KDM1B: variants seen among roughly 807,000 people sequenced by gnomAD.
KDM1B encodes the protein lysine-specific histone demethylase 2.
KDM1B carries 63 observed loss-of-function variants against 107.4 expected under a neutral mutation model. That is an observed-to-expected ratio of 0.59 (90% CI 0.48 to 0.72). The LOEUF (loss-of-function observed/expected upper bound fraction) is 0.72, where lower values mean the gene tolerates loss of function less well. Among genes scored for constraint, KDM1B ranks in the 30% least tolerant of loss-of-function variants. The pLI is 0.00. For missense variants in KDM1B, 749 were observed against 1,020.8 expected, an observed-to-expected ratio of 0.73 and a Z score of 3.63; for synonymous variants, 363 against 363.9, an observed-to-expected ratio of 1.00 and a Z score of 0.03.
chr6:18,218,927 G>C (rs961256680), intron 21 of KDM1B, among the ~76,000 whole-genome samples: 6 of 151,890 alleles, frequency 4.0e-5, no homozygotes, highest in Non-Finnish European at 8.8e-5. Context: ...TTTTGAGACG[G>C]AGTCTCTCTT....
chr6:18,198,510 C>G (rs895029883), intron 12 of KDM1B, among the ~76,000 whole-genome samples: 1 of 151,526 alleles, frequency 6.6e-6, no homozygotes, highest in South Asian at 2.1e-4. Context: ...ATTACAGGTG[C>G]GAGCCACTGT....
chr6:18,191,893 C>T lies in KDM1B; in HGVS notation c.969+512C>T, dbSNP rs1787304119. 6.6e-6 allele frequency among the ~76,000 whole-genome samples: 1 copy of T among 151,606 alleles called. No homozygotes were observed. The highest frequency in any genetic ancestry group is 6.7e-5 in the Admixed American group (1 of 15,036). On this transcript the variant is annotated intron_variant, in intron 10 of 21. Coordinates refer to ENST00000650836, the MANE Select transcript of KDM1B (RefSeq NM_001364614.2). This position sits in a 1 kb window ranked among gnomAD's most constrained non-coding sequence, Gnocchi z 5.1. ...TGTTGGGTCTAAATACATGTTAGGG[C>T]TGTCACACTGTACCCACCTTGAAAA...
rs1219008930 is a variant in KDM1B at position 18,197,840 on chromosome 6, T to G, written c.1221+179T>G. ...ATTGATTTCATAAGAAAAAGGTAAA[T>G]AGAAATTCTCACAGCTTTGGAGATA... On this transcript the variant is annotated intron_variant, in intron 12 of 21. Transcript: ENST00000650836. This position sits in a 1 kb window ranked among gnomAD's most constrained non-coding sequence, Gnocchi z 4.5. 6.6e-6 allele frequency among the ~76,000 whole-genome samples: 1 copy of G among 151,892 alleles called. No homozygotes were observed. The highest frequency in any genetic ancestry group is 1.5e-5 in the Non-Finnish European group (1 of 67,996).
intron 12 of KDM1B, among the ~76,000 whole-genome samples, chr6:18,199,112 C>G (rs747091623): frequency 6.6e-6 from 1 of 150,838 alleles, no homozygotes; most frequent in African/African-American, 2.4e-5. Context: ...GTGGGAGGAT[C>G]TCTTGAGTGA....
chr6:18,177,728 A>G (rs1426309901), intron 7 of KDM1B, among the ~76,000 whole-genome samples: 2 of 151,786 alleles, frequency 1.3e-5, no homozygotes, highest in Non-Finnish European at 2.9e-5. Flanking sequence ...TTTTGTAAAT[A>G]TGGTTTTAAT....
chr6:18,183,287 GAC>G (rs1447630761), intron 7 of KDM1B, among the ~76,000 whole-genome samples: 1 of 59,600 alleles, frequency 1.7e-5, no homozygotes, highest in Non-Finnish European at 3.1e-5. Flanking sequence ...TTTTTTTTGA[GAC>G]AGAGTTTTGC....
At position 18,207,464 on chromosome 6, in the gene KDM1B, A is replaced by G; in HGVS notation, c.1726A>G (p.Thr576Ala). ...AQFAGDHTLL[T>A]PGYSVIIEKL... ...GTTTGCTGGTGACCACACTCTGCTA[A>G]CTCCCGGGTACTCGGTGATAATTGA... Residue 576 changes from threonine to alanine, a missense_variant, in exon 16 of 22, where the codon ACT becomes GCT. By Grantham distance (58) the Thr-to-Ala change is moderately conservative. Transcript: ENST00000650836. 1.2e-6 allele frequency: 2 copies of G among 1,614,068 alleles called. No homozygotes were observed.
At chr6:18,210,342 C>CGTTTTT (rs1788742469) in intron 17 of KDM1B, among the ~76,000 whole-genome samples, 1 of 69,990 alleles carries the variant, frequency 1.4e-5, no homozygotes, top group Non-Finnish European at 2.9e-5. Context: ...TCTTTCTTTT[C>CGTTTTT]TTTTTTTTTT....
At position 18,201,679 on chromosome 6, in the gene KDM1B, G is replaced by A. The variant is rs935778100; in HGVS notation, c.1531+22G>A. 2.0e-6 allele frequency: 3 copies of A among 1,521,078 alleles called. No homozygotes were observed. Among genetic ancestry groups the A allele is most frequent in the Non-Finnish European group, 2.6e-6 (3 of 1,133,698 alleles). The allele number at this position is 1,521,078 out of a possible 1,614,324, so 94.2% of individuals were successfully genotyped here. Reference sequence around the variant, plus strand: ...GGAGGTATGGGGAGAACGGTGTTCTGATTGTTCCATCTCAGTTTCGTTGTT... The same window carrying A: ...GGAGGTATGGGGAGAACGGTGTTCTAATTGTTCCATCTCAGTTTCGTTGTT... On this transcript the variant is annotated intron_variant, in intron 14 of 21. Transcript: ENST00000650836. This position sits in a 1 kb window ranked among gnomAD's most constrained non-coding sequence, Gnocchi z 4.3.
At chr6:18,177,589 T>C (rs1042973500) in intron 7 of KDM1B, among the ~76,000 whole-genome samples, 1 of 152,032 alleles carries the variant, frequency 6.6e-6, no homozygotes, top group Non-Finnish European at 1.5e-5. Flanking sequence ...AAAAATTTTC[T>C]GTAGTGACAG....
At position 18,200,293 on chromosome 6, in the gene KDM1B, C is replaced by G. The variant is rs1276803659; in HGVS notation, c.1222-146C>G. 1.2e-6 allele frequency: 1 copy of G among 828,764 alleles called. No homozygotes were observed. Among genetic ancestry groups the G allele is most frequent in the Non-Finnish European group, 1.8e-6 (1 of 542,788 alleles). The allele number at this position is 828,764 out of a possible 1,614,324, so 51.3% of individuals were successfully genotyped here. ...CTATTTTGGCTTCTCTTCACACTGC[C>G]TGCTTTTTAAAGTTGTTTTTTTAGA... On this transcript the variant is annotated intron_variant, in intron 12 of 21. Transcript: ENST00000650836. The surrounding 1 kb of genome is among the most constrained non-coding windows in gnomAD (Gnocchi z 4.3).
At position 18,214,249 on chromosome 6, in the gene KDM1B, C is replaced by T. The variant is rs1055010489; in HGVS notation, c.2109+468C>T. ...GGACGGGGGTGGTCACTTTCTCTGC[C>T]GTCATGTCACTGCCACACGAAAGAA... is the stretch of plus-strand genomic sequence containing the variant. On this transcript the variant is annotated intron_variant, in intron 19 of 21. Coordinates refer to ENST00000650836, the MANE Select transcript of KDM1B (RefSeq NM_001364614.2). This position sits in a 1 kb window ranked among gnomAD's most constrained non-coding sequence, Gnocchi z 4.4. Among the ~76,000 whole-genome samples the T allele has an allele frequency of 3.3e-5, 5 of 152,114 alleles. No individual in the cohort carries two copies. The highest frequency in any genetic ancestry group is 2.9e-5 in the Non-Finnish European group (2 of 68,026).
Position 18,191,829 on chromosome 6 carries a change from C to T in KDM1B, c.969+448C>T, listed in dbSNP as rs560912472. Among the ~76,000 whole-genome samples the T allele has an allele frequency of 1.3e-5, 2 of 152,112 alleles. No homozygotes were observed. The highest frequency in any genetic ancestry group is 4.2e-4 in the South Asian group (2 of 4,812). ...CTTGAGGACAGGAATTTTTATTCAC[C>T]TCGGCATCCTAAATCAACCAAGACC... On this transcript the variant is annotated intron_variant, in intron 10 of 21. Transcript: ENST00000650836. The surrounding 1 kb of genome is among the most constrained non-coding windows in gnomAD (Gnocchi z 5.1).
In KDM1B at chr6:18,197,716, C is replaced by A; in HGVS notation, c.1221+55C>A. ...AGATGGTTGACTGCTCCTTTTGGTCCAAATTTCTAAGATTTAGAAACCAGT... is the reference window on the plus strand; with the variant it reads ...AGATGGTTGACTGCTCCTTTTGGTCAAAATTTCTAAGATTTAGAAACCAGT... On this transcript the variant is annotated intron_variant, in intron 12 of 21. Coordinates refer to ENST00000650836, the MANE Select transcript of KDM1B (RefSeq NM_001364614.2). This position sits in a 1 kb window ranked among gnomAD's most constrained non-coding sequence, Gnocchi z 4.5. 2 of 1,296,444 alleles carry A rather than the reference C, an allele frequency of 1.5e-6. No homozygotes were observed. The highest frequency in any genetic ancestry group is 2.2e-6 in the Non-Finnish European group (2 of 912,662). The allele number at this position is 1,296,444 out of a possible 1,614,324, so 80.3% of individuals were successfully genotyped here.
rs533016543 is a variant in KDM1B, at chr6:18,210,342, C to CTTTTTTTTTTTTTTTTT, written c.1867-2132_1867-2116dup. ...TCTTTCTTTTTTTTCTCTTTCTTTT[C>CTTTTTTTTTTTTTTTTT]TTTTTTTTTTTTTTTTTTTTTTTTT... On this transcript the variant is annotated intron_variant, in intron 17 of 21. Transcript: ENST00000650836. 2.5e-3 allele frequency among the ~76,000 whole-genome samples: 178 copies of CTTTTTTTTTTTTTTTTT among 69,982 alleles called. 14 individuals are homozygous for CTTTTTTTTTTTTTTTTT. The highest frequency in any genetic ancestry group is 2.7e-3 in the Non-Finnish European group (91 of 33,980). The allele number at this position is 69,982 out of a possible 152,430, so 45.9% of individuals were successfully genotyped here. A position where few individuals can be genotyped will look rare whatever the true frequency, so the allele number is the denominator to read the frequency against.
At position 18,159,246 on chromosome 6, in the gene KDM1B, A is replaced by G. The variant is rs183590567; in HGVS notation, c.-13-637A>G. On this transcript the variant is annotated intron_variant, in intron 2 of 21. Transcript: ENST00000650836. This position sits in a 1 kb window ranked among gnomAD's most constrained non-coding sequence, Gnocchi z 4.5. ...CTTGCAAAGTGCTGGGATTACAAGC[A>G]TGAACCACTGTGCCCAGCCATGAGT... is the stretch of plus-strand genomic sequence containing the variant. 9.8e-5 allele frequency among the ~76,000 whole-genome samples: 15 copies of G among 152,290 alleles called. No homozygotes were observed. Among genetic ancestry groups the G allele is most frequent in the African/African-American group, 3.4e-4 (14 of 41,578 alleles).
chr6:18,160,232 C>G (rs1784885515), intron 3 of KDM1B, among the ~76,000 whole-genome samples: 1 of 152,144 alleles, frequency 6.6e-6, no homozygotes. Context: ...TTCAGAGATT[C>G]ACGGCTGTGT....
chr6:18,208,625 A>ATATATATATATATATATATATT (rs1788579809), intron 17 of KDM1B, among the ~76,000 whole-genome samples: 1 of 36,264 alleles, frequency 2.8e-5, no homozygotes, highest in Non-Finnish European at 4.9e-5. Context: ...ATATATATAT[A>ATATATATATATATATATATATT]TATTTTTTTT....
Position 18,223,355 on chromosome 6 carries a change from C to CA in KDM1B, c.*1365dup, listed in dbSNP as rs1789931510. ...CCCACCGCCCGCCCCCCGCCCCCCC[C>CA]AATCAAAGTGTGGTCCCAAAACAAG... On this transcript the variant is annotated 3_prime_UTR_variant, in exon 22 of 22. Coordinates refer to ENST00000650836, the MANE Select transcript of KDM1B (RefSeq NM_001364614.2). The CA allele has an allele frequency of 7.2e-6, 1 of 138,144 alleles. No homozygotes were observed. The highest frequency in any genetic ancestry group is 2.8e-5 in the African/African-American group (1 of 36,144). 8.6% of individuals were successfully genotyped at this position (138,144 alleles called of 1,614,324 possible).
Sources: gnomAD v4.1 joint callset for allele counts (sites outside exome capture counted in the v4.1 genomes callset) on GRCh38, gnomAD v4.1.1 for gene constraint, Gnocchi (gnomAD v3.1) non-coding constraint, MANE v1.5 for transcripts, NCBI Gene and HGNC (gene_info 2026-07-23, HGNC 2026-07-21) for gene names.